The following LRP1B variants were observed in gnomAD, a reference collection of about 807,000 sequenced individuals.
The protein encoded by LRP1B is LDL receptor related protein 1B.
LRP1B carries 217 observed loss-of-function variants against 556.6 expected under a neutral mutation model. The ratio of observed to expected loss-of-function variants is 0.39; its 90% confidence interval spans 0.35 to 0.44. The LOEUF (loss-of-function observed/expected upper bound fraction) is 0.44. LRP1B is among the 20% of genes least tolerant of loss of function. The pLI, the probability that LRP1B is intolerant of heterozygous loss-of-function variation, is 1.00. For missense variants in LRP1B, 5,053 were observed against 5,620.8 expected (o/e 0.90, Z 3.23); for synonymous variants, 2,047 against 1,865.8 (o/e 1.10, Z -2.50).
At chr2:140,345,435 T>C (rs1226722361) in intron 77 of LRP1B, among the ~76,000 whole-genome samples, 1 of 151,566 alleles carries the variant, frequency 6.6e-6, no homozygotes. Context: ...TTATTTATTT[T>C]CTCTTAATGC....
chr2:140,326,525 G>A (rs970054866), intron 79 of LRP1B, among the ~76,000 whole-genome samples: 2 of 151,246 alleles, frequency 1.3e-5, no homozygotes, highest in Non-Finnish European at 2.9e-5. Flanking sequence ...AGACCAGCTG[G>A]CCAACATGGT....
At chr2:141,415,470 G>T (rs1469878301) in intron 3 of LRP1B, among the ~76,000 whole-genome samples, 2 of 152,066 alleles carry the variant, frequency 1.3e-5, no homozygotes, top group Non-Finnish European at 1.5e-5. Context: ...ATACTATTGT[G>T]CCCAGACTGC....
intron 3 of LRP1B, among the ~76,000 whole-genome samples, chr2:141,271,746 T>C (rs1182403059): frequency 6.7e-6 from 1 of 149,184 alleles, no homozygotes; most frequent in African/African-American, 2.5e-5. Context: ...AACAATTGAC[T>C]GCAGATAGTA....
intron 20 of LRP1B, among the ~76,000 whole-genome samples, chr2:140,929,471 G>C (rs1323918039): frequency 6.6e-6 from 1 of 151,982 alleles, no homozygotes; most frequent in Non-Finnish European, 1.5e-5. Context: ...GCAGAAGAGG[G>C]GAGAAAGAGA....
intron 69 of LRP1B, 100 bp from the exon 70 acceptor site, chr2:140,371,385 T>TA: frequency 1.9e-6 from 1 of 525,644 alleles, no homozygotes. Context: ...TAGATGGTAA[T>TA]AAAAATAGTT....
chr2:142,070,506 GT>G (rs2104910145), intron 1 of LRP1B, among the ~76,000 whole-genome samples: 1 of 151,914 alleles, frequency 6.6e-6, no homozygotes, highest in Admixed American at 6.6e-5. Flanking sequence ...GATATCTGAT[GT>G]GCACAAATGC....
intron 20 of LRP1B, among the ~76,000 whole-genome samples, chr2:140,947,849 T>C (rs544996377): frequency 1.4e-4 from 22 of 152,310 alleles, no homozygotes; most frequent in Admixed American, 9.2e-4. Context: ...GCTTGAAACA[T>C]GTCAAGGAGT....
At chr2:140,597,949 G>T (rs1373787249) in intron 43 of LRP1B, among the ~76,000 whole-genome samples, 1 of 152,104 alleles carries the variant, frequency 6.6e-6, no homozygotes, top group African/African-American at 2.4e-5. Context: ...ACAGTGGTAG[G>T]GACATGGGTC....
chr2:140,602,728 G>T (rs113171946), intron 41 of LRP1B, among the ~76,000 whole-genome samples: 1 of 80,734 alleles, frequency 1.2e-5, no homozygotes, highest in Non-Finnish European at 3.0e-5. Flanking sequence ...TTTGAACAAT[G>T]TTTTTTTTCA....
At chr2:140,256,817 C>G (rs1431383349) in intron 86 of LRP1B, among the ~76,000 whole-genome samples, 1 of 151,552 alleles carries the variant, frequency 6.6e-6, no homozygotes, top group Non-Finnish European at 1.5e-5. Context: ...AATTTTTTTG[C>G]AGGTTTTTTG....
At chr2:141,795,399 C>A (rs1022627240) in intron 2 of LRP1B, among the ~76,000 whole-genome samples, 1 of 151,948 alleles carries the variant, frequency 6.6e-6, no homozygotes, top group Non-Finnish European at 1.5e-5. Context: ...TTTGCACATG[C>A]GTGAGTGTGC....
rs1052510065 is a variant in LRP1B, at chr2:141,103,932, C to T, written c.1014-41659G>A. ...ACCACATTTGGCATTGACACAAAGG[C>T]GTCAATTCTATTGAGAGCCATTTCT... On this transcript the variant is annotated intron_variant, in intron 7 of 90. Transcript: ENST00000389484. Among the ~76,000 whole-genome samples the T allele has an allele frequency of 7.2e-5, 11 of 151,942 alleles. No homozygotes were observed. The East Asian group carries it at 1.7e-3, about 24-fold the overall frequency.
chr2:140,522,588 G>A (rs796528685), intron 49 of LRP1B, among the ~76,000 whole-genome samples: 30 of 151,762 alleles, frequency 2.0e-4, no homozygotes, highest in African/African-American at 6.8e-4. Context: ...AAAATAAAAT[G>A]AGACCCCCAA....
chr2:142,127,236 T>C (rs1466190534), intron 1 of LRP1B, among the ~76,000 whole-genome samples: 1 of 151,994 alleles, frequency 6.6e-6, no homozygotes, highest in Non-Finnish European at 1.5e-5. Context: ...TTTCCTTAAA[T>C]TATTTTTATA....
At chr2:142,126,875 G>C (rs1308443869) in intron 1 of LRP1B, among the ~76,000 whole-genome samples, 1 of 151,790 alleles carries the variant, frequency 6.6e-6, no homozygotes, top group African/African-American at 2.4e-5. Flanking sequence ...ACTTTAAATG[G>C]AGCTGATTTT....
chr2:140,252,062 CAAAAAAAAAAAAAA>C, intron 86 of LRP1B, among the ~76,000 whole-genome samples: 5 of 18,562 alleles, frequency 2.7e-4, no homozygotes, highest in East Asian at 0.011. Context: ...TGACAAGATG[CAAAAAAAAAAAAAA>C]AAAAAAAAAA....
chr2:141,361,087 C>T (rs1429883470), intron 3 of LRP1B, among the ~76,000 whole-genome samples: 1 of 152,124 alleles, frequency 6.6e-6, no homozygotes, highest in Non-Finnish European at 1.5e-5. Context: ...GTAAGCCACA[C>T]ATAACTTAAT....
chr2:140,664,541 A>G (rs1685203303), intron 41 of LRP1B, among the ~76,000 whole-genome samples: 1 of 152,216 alleles, frequency 6.6e-6, no homozygotes, highest in South Asian at 2.1e-4. Context: ...AGCATCTTTT[A>G]TAAAGTTTAA....
At chr2:141,936,786 A>G (rs942761502) in intron 1 of LRP1B, among the ~76,000 whole-genome samples, 2 of 152,180 alleles carry the variant, frequency 1.3e-5, no homozygotes, top group South Asian at 4.1e-4. Context: ...AGTTCTTAAT[A>G]TCATTGTTCA....
Sources: allele counts gnomAD v4.1 joint callset (sites outside exome capture counted in the v4.1 genomes callset), GRCh38; gene constraint gnomAD v4.1.1; transcripts MANE v1.5; gene names NCBI Gene and HGNC (gene_info 2026-07-23, HGNC 2026-07-21).